Variants in HS6ST3 observed in about 807,000 individuals in gnomAD.
HS6ST3 encodes heparan-sulfate 6-O-sulfotransferase 3.
In HS6ST3, 12 loss-of-function variants were observed where a neutral mutation model predicts 36.7. The observed-to-expected ratio is 0.33, with a 90% confidence interval of 0.21 to 0.53. HS6ST3 has a LOEUF of 0.53. Ranked by LOEUF, HS6ST3 falls within the 20% of genes least tolerant of loss-of-function variation. The probability of loss-of-function intolerance (pLI) is 0.95; values close to 1 mark genes in which losing one functional copy is unlikely to be tolerated. For synonymous variants in HS6ST3, 240 were observed against 257.5 expected (o/e 0.93, Z 0.65); for missense variants, 584 against 640.9 (o/e 0.91, Z 0.96).
At chr13:96,238,067 G>C (rs1476379036) in intron 1 of HS6ST3, among the ~76,000 whole-genome samples, 2 of 152,046 alleles carry the variant, frequency 1.3e-5, no homozygotes. Flanking sequence ...GTCCAAAGTG[G>C]CACCTTGAAT....
intron 1 of HS6ST3, among the ~76,000 whole-genome samples, chr13:96,221,839 A>G (rs936020995): frequency 1.3e-5 from 2 of 152,216 alleles, no homozygotes; most frequent in Non-Finnish European, 2.9e-5. Flanking sequence ...ATAAAATAAG[A>G]CATAGCCTTA....
chr13:96,452,574 C>G (rs2055733513), intron 1 of HS6ST3, among the ~76,000 whole-genome samples: 1 of 151,354 alleles, frequency 6.6e-6, no homozygotes, highest in Non-Finnish European at 1.5e-5. Flanking sequence ...CAATTACCAA[C>G]AGTTCTATCA....
chr13:96,691,921 G>A (rs944640092), intron 1 of HS6ST3, among the ~76,000 whole-genome samples: 9 of 152,000 alleles, frequency 5.9e-5, no homozygotes, highest in African/African-American at 1.4e-4. Context: ...AACAATGCAC[G>A]TTCAAGGACA....
At chr13:96,416,913 C>A (rs147165730) in intron 1 of HS6ST3, among the ~76,000 whole-genome samples, 1 of 152,012 alleles carries the variant, frequency 6.6e-6, no homozygotes, top group African/African-American at 2.4e-5. Context: ...CCACCATGCC[C>A]GGCTAATTTT....
chr13:96,157,167 A>T, intron 1 of HS6ST3, among the ~76,000 whole-genome samples: 1 of 152,268 alleles, frequency 6.6e-6, no homozygotes, highest in Middle Eastern at 3.4e-3. Flanking sequence ...TTCTTATTAC[A>T]TTAGTATTTG....
At chr13:96,209,531 A>G (rs925022379) in intron 1 of HS6ST3, among the ~76,000 whole-genome samples, 8 of 152,204 alleles carry the variant, frequency 5.3e-5, no homozygotes, top group Non-Finnish European at 1.2e-4. Context: ...AGTGGGTCTG[A>G]TAGTAGTAAA....
chr13:96,713,658 A>G (rs1875622472), intron 1 of HS6ST3, among the ~76,000 whole-genome samples: 1 of 152,162 alleles, frequency 6.6e-6, no homozygotes, highest in African/African-American at 2.4e-5. Context: ...TGCTTTGAGT[A>G]GGGCTTTGGT....
At chr13:96,317,691 C>T (rs144722417) in intron 1 of HS6ST3, among the ~76,000 whole-genome samples, 66 of 149,936 alleles carry the variant, frequency 4.4e-4, no homozygotes, top group Non-Finnish European at 8.4e-4. Flanking sequence ...AGTATATAAA[C>T]GTCCCCTTTT....
intron 1 of HS6ST3, among the ~76,000 whole-genome samples, chr13:96,245,602 C>T (rs9562057): frequency 0.18 from 27,819 of 151,894 alleles, 3,200 homozygotes; most frequent in East Asian, 0.32. Flanking sequence ...ATCCTTTTTC[C>T]GATGCTAAGG....
intron 1 of HS6ST3, among the ~76,000 whole-genome samples, chr13:96,770,892 T>G (rs970866260): frequency 1.1e-4 from 16 of 152,198 alleles, no homozygotes; most frequent in Non-Finnish European, 2.4e-4. Context: ...AGGTAGTTAG[T>G]CCATTGGCAC....
chr13:96,445,955 G>C (rs925325188), intron 1 of HS6ST3, among the ~76,000 whole-genome samples: 5 of 152,004 alleles, frequency 3.3e-5, no homozygotes, highest in African/African-American at 1.2e-4. Context: ...GGCAGATCAC[G>C]AAGTCAGGAG....
intron 1 of HS6ST3, among the ~76,000 whole-genome samples, chr13:96,831,607 A>G (rs1216179044): frequency 6.6e-6 from 1 of 152,144 alleles, no homozygotes; most frequent in East Asian, 1.9e-4. Flanking sequence ...CTCCACACCC[A>G]ACGCATCCTT....
chr13:96,748,013 T>C (rs1007293534), intron 1 of HS6ST3, among the ~76,000 whole-genome samples: 3 of 152,144 alleles, frequency 2.0e-5, no homozygotes, highest in African/African-American at 7.2e-5. Flanking sequence ...TCTGTCTCAC[T>C]TCACATGTGA....
chr13:96,749,499 A>G (rs1180145384), intron 1 of HS6ST3, among the ~76,000 whole-genome samples: 1 of 152,142 alleles, frequency 6.6e-6, no homozygotes. Flanking sequence ...TTTGGATTGT[A>G]TGTGTACGTT....
At chr13:96,507,502 T>G (rs2056031254) in intron 1 of HS6ST3, among the ~76,000 whole-genome samples, 1 of 152,054 alleles carries the variant, frequency 6.6e-6, no homozygotes, top group Admixed American at 6.6e-5. Context: ...ATAGTTTTGC[T>G]TTCAGTTTTC....
At chr13:96,634,070 A>G (rs2056540788) in intron 1 of HS6ST3, among the ~76,000 whole-genome samples, 1 of 152,154 alleles carries the variant, frequency 6.6e-6, no homozygotes, top group South Asian at 2.1e-4. Flanking sequence ...GGAGGCAGCC[A>G]TCTGCAGCCT....
At position 96,605,486 on chromosome 13, in the gene HS6ST3, A is replaced by ATACT. The variant is rs950042762; in HGVS notation, c.708-227001_708-226998dup. On this transcript the variant is annotated intron_variant, in intron 1 of 1. Transcript: ENST00000376705. ...CACAGAGCTTTCTATAAACTATTAC[A>ATACT]TACTTATATGTCCTAAGTCTCTTGG... Among the ~76,000 whole-genome samples, 10 of 152,122 alleles carry ATACT rather than the reference A, an allele frequency of 6.6e-5. No individual in the cohort carries two copies. The South Asian group carries it at 2.1e-3, about 31-fold the overall frequency.
chr13:96,708,932 C>G (rs898639795), intron 1 of HS6ST3, among the ~76,000 whole-genome samples: 2 of 152,150 alleles, frequency 1.3e-5, no homozygotes, highest in East Asian at 3.8e-4. Flanking sequence ...CTCTTCTTTT[C>G]CTCTATCTCT....
chr13:96,350,404 A>G (rs1382280897), intron 1 of HS6ST3, among the ~76,000 whole-genome samples: 1 of 152,234 alleles, frequency 6.6e-6, no homozygotes, highest in African/African-American at 2.4e-5. Context: ...ACCTGCTCAT[A>G]AATCTGGCAT....
Sources: gnomAD v4.1 joint callset for allele counts (sites outside exome capture counted in the v4.1 genomes callset) on GRCh38, gnomAD v4.1.1 for gene constraint, MANE v1.5 for transcripts, NCBI Gene and HGNC (gene_info 2026-07-23, HGNC 2026-07-21) for gene names.